DLGAP2: variants seen among roughly 807,000 people sequenced by gnomAD.
DLGAP2 encodes DLG associated protein 2, also known as disks large-associated protein 2.
A neutral mutation model predicts 100.3 loss-of-function variants in DLGAP2; 26 were observed. That is an observed-to-expected ratio of 0.26 (90% confidence interval 0.19 to 0.36). The LOEUF (loss-of-function observed/expected upper bound fraction) is 0.36. Ranked by LOEUF, DLGAP2 falls within the 10% of genes least tolerant of loss-of-function variation. The pLI is 1.00. For missense variants in DLGAP2, 1,858 were observed against 1,453.2 expected, an observed-to-expected ratio of 1.28 and a Z score of -4.53; for synonymous variants, 886 against 630.1, an observed-to-expected ratio of 1.41 and a Z score of -6.08.
In DLGAP2 at chr8:1,659,392, A is replaced by C. The variant is rs559467559; in HGVS notation, c.1811-8937A>C. 8.5e-5 allele frequency among the ~76,000 whole-genome samples: 13 copies of C among 152,300 alleles called. No homozygotes were observed. The East Asian group carries it at 2.1e-3, about 25-fold the overall frequency. On this transcript the variant is annotated intron_variant, in intron 8 of 14. Transcript: ENST00000637795. ...CCAGAGCTGAGTTCAAGTCCTGAAT[A>C]TCCTTGTTAATTTTCTGTCTCATTG...
chr8:1,467,329 G>A (rs959906016), intron 3 of DLGAP2, among the ~76,000 whole-genome samples: 3 of 151,130 alleles, frequency 2.0e-5, no homozygotes, highest in Non-Finnish European at 2.9e-5. Flanking sequence ...CTGTTCCTCA[G>A]ACCCATCCCC....
intron 2 of DLGAP2, among the ~76,000 whole-genome samples, chr8:1,126,061 C>T (rs1796156207): frequency 6.6e-6 from 1 of 152,236 alleles, no homozygotes; most frequent in Non-Finnish European, 1.5e-5. Context: ...TCTTCTCCCA[C>T]ATGTCTTCGA....
intron 2 of DLGAP2, among the ~76,000 whole-genome samples, chr8:1,159,478 C>A (rs865906334): frequency 6.6e-6 from 1 of 152,176 alleles, no homozygotes; most frequent in Non-Finnish European, 1.5e-5. Flanking sequence ...GAGTTCCTTA[C>A]GTATGGAGCA....
intron 3 of DLGAP2, among the ~76,000 whole-genome samples, chr8:1,408,645 T>C (rs1426320731): frequency 6.6e-6 from 1 of 152,172 alleles, no homozygotes; most frequent in East Asian, 1.9e-4. Context: ...CGCATAACTT[T>C]GAAAATGTAT....
intron 2 of DLGAP2, among the ~76,000 whole-genome samples, chr8:1,252,983 C>T (rs867014497): frequency 1.3e-5 from 2 of 152,192 alleles, no homozygotes; most frequent in Admixed American, 6.5e-5. Context: ...TGCTGGGCCT[C>T]GCATCTAGGC....
chr8:856,335 C>T (rs1361834995), intron 1 of DLGAP2, among the ~76,000 whole-genome samples: 1 of 151,892 alleles, frequency 6.6e-6, no homozygotes, highest in East Asian at 1.9e-4. Context: ...ATTACAGGCA[C>T]ACACCACCAC....
intron 8 of DLGAP2, among the ~76,000 whole-genome samples, chr8:1,658,270 T>C (rs972624076): frequency 2.6e-5 from 4 of 152,040 alleles, no homozygotes; most frequent in African/African-American, 4.8e-5. Context: ...AGATGCCATA[T>C]TGAATGTACC....
At chr8:1,012,697 CT>C (rs1279001305) in intron 2 of DLGAP2, among the ~76,000 whole-genome samples, 5 of 138,854 alleles carry the variant, frequency 3.6e-5, no homozygotes, top group Non-Finnish European at 4.7e-5. Context: ...CCAGTCCCCC[CT>C]ACTTCAGCGG....
chr8:1,257,545 A>G (rs1165583620), intron 2 of DLGAP2, among the ~76,000 whole-genome samples: 1 of 148,722 alleles, frequency 6.7e-6, no homozygotes, highest in African/African-American at 2.5e-5. Flanking sequence ...ACTATTTAAC[A>G]TCCTGCTTGT....
At chr8:1,282,330 G>T (rs1799834772) in intron 3 of DLGAP2, among the ~76,000 whole-genome samples, 1 of 145,662 alleles carries the variant, frequency 6.9e-6, no homozygotes, top group African/African-American at 2.6e-5. Flanking sequence ...GGTGTGACCT[G>T]AACCCAGCGC....
chr8:909,710 C>T (rs1167515867), intron 2 of DLGAP2, among the ~76,000 whole-genome samples: 5 of 152,012 alleles, frequency 3.3e-5, no homozygotes, highest in Non-Finnish European at 5.9e-5. Context: ...CTTTAATATT[C>T]GGTGTGGATA....
chr8:1,489,398 G>A (rs558649830), intron 3 of DLGAP2, among the ~76,000 whole-genome samples: 1 of 152,278 alleles, frequency 6.6e-6, no homozygotes, highest in South Asian at 2.1e-4. Flanking sequence ...GATCGCAGTG[G>A]TGCCATTATC....
chr8:1,374,487 A>G (rs1802341964), intron 3 of DLGAP2, among the ~76,000 whole-genome samples: 1 of 152,194 alleles, frequency 6.6e-6, no homozygotes, highest in Admixed American at 6.5e-5. Context: ...TGAAAGCAGC[A>G]GGAGTTCTGA....
intron 3 of DLGAP2, among the ~76,000 whole-genome samples, chr8:1,457,924 G>T (rs1030020418): frequency 7.0e-6 from 1 of 142,320 alleles, no homozygotes; most frequent in African/African-American, 2.6e-5. Flanking sequence ...AAACTATGAT[G>T]CAGGGAAATT....
intron 1 of DLGAP2, among the ~76,000 whole-genome samples, chr8:804,281 C>T (rs1395427398): frequency 4.6e-5 from 7 of 152,142 alleles, no homozygotes; most frequent in African/African-American, 1.2e-4. Flanking sequence ...AGACTGTTTT[C>T]GTCTGTGTCT....
At chr8:1,556,841 C>G (rs1801981014) in intron 5 of DLGAP2, among the ~76,000 whole-genome samples, 1 of 152,202 alleles carries the variant, frequency 6.6e-6, no homozygotes, top group African/African-American at 2.4e-5. Flanking sequence ...TGTAGGGACA[C>G]CAGGGTGGAT....
chr8:834,582 T>C (rs568024051), intron 1 of DLGAP2, among the ~76,000 whole-genome samples: 13 of 152,190 alleles, frequency 8.5e-5, no homozygotes, highest in Non-Finnish European at 1.8e-4. Flanking sequence ...GTTAGATCTT[T>C]CTACCTTTAA....
At chr8:1,484,627 C>G (rs1170005683) in intron 3 of DLGAP2, among the ~76,000 whole-genome samples, 1 of 152,234 alleles carries the variant, frequency 6.6e-6, no homozygotes, top group Non-Finnish European at 1.5e-5. Flanking sequence ...TCAGACCCAA[C>G]TTACAAGCTG....
intron 2 of DLGAP2, among the ~76,000 whole-genome samples, chr8:1,234,995 CTAGTTCTCTCACACATAGCGTTG>C (rs1798613285): frequency 1.1e-4 from 1 of 9,080 alleles, no homozygotes; most frequent in African/African-American, 2.1e-4. Flanking sequence ...AGCATCGTGT[CTAGTTCTCTCACACATAGCGTTG>C]TGTCTAATTC....
Sources: gnomAD v4.1 joint callset for allele counts (sites outside exome capture counted in the v4.1 genomes callset) on GRCh38, gnomAD v4.1.1 for gene constraint, MANE v1.5 for transcripts, NCBI Gene and HGNC (gene_info 2026-07-23, HGNC 2026-07-21) for gene names.